Variants in DMD observed in about 807,000 individuals in gnomAD.
The protein encoded by DMD is mutant dystrophin.
Under a neutral mutation model 330.1 loss-of-function variants are expected in DMD, and 63 were observed. The observed-to-expected ratio is 0.19, with a 90% CI of 0.16 to 0.24. DMD has a LOEUF of 0.24. DMD is among the 10% of genes least tolerant of loss of function. The probability of loss-of-function intolerance (pLI) is 1.00; values close to 1 mark genes in which losing one functional copy is unlikely to be tolerated. For synonymous variants in DMD, 1,223 were observed against 959.8 expected (o/e 1.27, Z -5.07); for missense variants, 3,344 against 2,684.1 (o/e 1.25, Z -5.43).
At chrX:31,852,436 G>A (rs1232585406) in intron 48 of DMD, among the ~76,000 whole-genome samples, 1 of 111,607 alleles carries the variant, frequency 9.0e-6, no homozygotes, top group African/African-American at 3.3e-5. Context: ...CATTTAAACT[G>A]GTACTCCCAG....
intron 51 of DMD, among the ~76,000 whole-genome samples, chrX:31,740,314 G>A (rs1443021083): frequency 1.8e-5 from 2 of 111,883 alleles, no homozygotes; most frequent in Admixed American, 9.5e-5. Context: ...ATTAACAAAG[G>A]ATAATCAAGA....
intron 44 of DMD, among the ~76,000 whole-genome samples, chrX:32,036,641 C>T (rs1486668334): frequency 3.6e-5 from 4 of 111,214 alleles, no homozygotes; most frequent in South Asian, 3.8e-4. Context: ...TTTGTGTATT[C>T]TTGTAGCTTC....
chrX:33,094,787 G>A lies in DMD; in HGVS notation c.32-74587C>T, dbSNP rs11095252. The stretch of plus-strand genomic sequence containing the variant: ...TGTGCCATTGCACTCCAGGCAGGGC[G>A]ACAGAGCAAGACTCCATCTCAAAAA... On this transcript the variant is annotated intron_variant, in intron 1 of 78. Coordinates refer to ENST00000357033, the MANE Select transcript of DMD (RefSeq NM_004006.3). Among the ~76,000 whole-genome samples, 218 of 94,649 alleles carry A rather than the reference G, an allele frequency of 2.3e-3. 2 individuals carry two copies. In the East Asian group the frequency reaches 0.068, roughly 29 times the overall value. 82.2% of individuals were successfully genotyped at this position (94,649 alleles called of 115,157 possible). A position where few individuals can be genotyped will look rare whatever the true frequency, so the allele number is the denominator to read the frequency against.
intron 9 of DMD, among the ~76,000 whole-genome samples, chrX:32,664,551 T>C (rs1444156995): frequency 8.9e-6 from 1 of 111,752 alleles, no homozygotes; most frequent in Non-Finnish European, 1.9e-5. Context: ...AAACCTGGCA[T>C]AGTTTTCTAA....
At chrX:32,835,168 G>A (rs892949725) in intron 4 of DMD, among the ~76,000 whole-genome samples, 27 of 112,065 alleles carry the variant, frequency 2.4e-4, no homozygotes, top group Non-Finnish European at 3.8e-5. Context: ...ATCTTTGAGA[G>A]AATAGAGTTA....
chrX:31,854,842 G>A (rs2093589201), intron 48 of DMD, among the ~76,000 whole-genome samples: 1 of 111,421 alleles, frequency 9.0e-6, no homozygotes, highest in Non-Finnish European at 1.9e-5. Flanking sequence ...CTTGTCGGGA[G>A]CTACCCTGTG....
rs2149256809 is a variant in DMD at position 31,478,963 on chromosome X, A to G, written c.8668+20T>C. 1 of 1,207,766 alleles carries G rather than the reference A, an allele frequency of 8.3e-7. No individual in the cohort carries two copies. The highest frequency in any genetic ancestry group is 2.2e-5 in the Admixed American group (1 of 45,963). The stretch of plus-strand genomic sequence containing the variant: ...CTGATCCTTCTATCAATATGTTATT[A>G]TAGTTCCACATTCAATTACCTCTGG... On this transcript the variant is annotated intron_variant, in intron 58 of 78. Coordinates refer to ENST00000357033, the MANE Select transcript of DMD (RefSeq NM_004006.3).
At position 32,751,156 on chromosome X, in the gene DMD, G is replaced by C. The variant is rs746930976; in HGVS notation, c.650-51863C>G. Among the ~76,000 whole-genome samples the C allele has an allele frequency of 2.7e-5, 3 of 111,895 alleles. No homozygotes were observed. In the South Asian group the frequency reaches 1.1e-3, roughly 42 times the overall value. ...GAGTGGGGTGCTGCTGAAAAGACAC[G>C]TGAAAATGTGGAAGCAACTTTGGAA... On this transcript the variant is annotated intron_variant, in intron 7 of 78. Transcript: ENST00000357033.
chrX:33,022,556 C>A (rs181058943), intron 1 of DMD, among the ~76,000 whole-genome samples: 3,975 of 110,114 alleles, frequency 0.036, 103 homozygotes, highest in South Asian at 0.14. Flanking sequence ...ATTATTAATA[C>A]AATTAATTGT....
chrX:32,090,622 C>T (rs1310849743), intron 44 of DMD, among the ~76,000 whole-genome samples: 2 of 111,938 alleles, frequency 1.8e-5, no homozygotes, highest in Non-Finnish European at 3.8e-5. Flanking sequence ...TCATGATCAT[C>T]GCTCTCTAAT....
intron 2 of DMD, among the ~76,000 whole-genome samples, chrX:32,956,715 C>G (rs750967108): frequency 9.0e-6 from 1 of 111,120 alleles, no homozygotes; most frequent in Non-Finnish European, 1.9e-5. Flanking sequence ...CCTGATTTCC[C>G]TGGTCAGGAC....
chrX:33,163,321 G>A (rs2048862470), intron 1 of DMD, among the ~76,000 whole-genome samples: 1 of 109,448 alleles, frequency 9.1e-6, no homozygotes, highest in Non-Finnish European at 1.9e-5. Context: ...TGGATCACCC[G>A]AGATCAGGAG....
At chrX:32,800,619 A>C (rs1271128269) in intron 7 of DMD, among the ~76,000 whole-genome samples, 1 of 111,394 alleles carries the variant, frequency 9.0e-6, no homozygotes, top group African/African-American at 3.3e-5. Flanking sequence ...CAGGTTTGTT[A>C]CATAGGTATA....
At chrX:31,229,337 C>T (rs1280545330) in intron 63 of DMD, among the ~76,000 whole-genome samples, 2 of 112,085 alleles carry the variant, frequency 1.8e-5, no homozygotes, top group Non-Finnish European at 3.8e-5. Context: ...AAAAATCCTA[C>T]TATCTCTGAC....
intron 7 of DMD, among the ~76,000 whole-genome samples, chrX:32,781,016 G>A (rs957689614): frequency 9.2e-6 from 1 of 108,985 alleles, no homozygotes; most frequent in Non-Finnish European, 1.9e-5. Flanking sequence ...TACTCGGGAG[G>A]CTGAGGCAGG....
chrX:32,668,173 A>G (rs1276633962), intron 9 of DMD, among the ~76,000 whole-genome samples: 3 of 111,291 alleles, frequency 2.7e-5, no homozygotes, highest in Non-Finnish European at 5.7e-5. Flanking sequence ...GTACACTTAA[A>G]TGACATACAT....
intron 9 of DMD, among the ~76,000 whole-genome samples, chrX:32,688,068 A>C (rs1463956537): frequency 8.9e-6 from 1 of 112,215 alleles, no homozygotes; most frequent in African/African-American, 3.2e-5. Flanking sequence ...CTACATGTGG[A>C]GATCCAAACA....
intron 74 of DMD, among the ~76,000 whole-genome samples, chrX:31,157,732 C>T (rs2038312308): frequency 9.0e-6 from 1 of 110,852 alleles, no homozygotes; most frequent in Non-Finnish European, 1.9e-5. Flanking sequence ...CTGGCATGCA[C>T]TGCTATATAC....
chrX:32,452,708 T>C (rs904119316), intron 26 of DMD, among the ~76,000 whole-genome samples: 1 of 110,690 alleles, frequency 9.0e-6, no homozygotes, highest in African/African-American at 3.3e-5. Context: ...AAAGTTTTCC[T>C]CAGGGGTGAC....
Sources: gnomAD v4.1 joint callset for allele counts (sites outside exome capture counted in the v4.1 genomes callset) on GRCh38, gnomAD v4.1.1 for gene constraint, MANE v1.5 for transcripts, NCBI Gene and HGNC (gene_info 2026-07-23, HGNC 2026-07-21) for gene names.